Variants in MACROD2 observed in about 807,000 individuals in gnomAD.
The protein encoded by MACROD2 is mono-ADP ribosylhydrolase 2.
MACROD2 carries 36 observed loss-of-function variants against 70.4 expected under a neutral mutation model. The observed-to-expected ratio is 0.51, with a 90% CI of 0.39 to 0.68. MACROD2 has a LOEUF of 0.68. Ranked by LOEUF, MACROD2 falls within the 30% of genes least tolerant of loss-of-function variation. The pLI, the probability that MACROD2 is intolerant of heterozygous loss-of-function variation, is 0.00. For synonymous variants in MACROD2, 172 were observed against 178.8 expected, an observed-to-expected ratio of 0.96 and a Z score of 0.30; for missense variants, 496 against 538.4, an observed-to-expected ratio of 0.92 and a Z score of 0.78.
chr20:16,051,003 G>C lies in MACROD2; in HGVS notation c.*1127G>C, dbSNP rs1015391888. On this transcript the variant is annotated 3_prime_UTR_variant, in exon 18 of 18. Coordinates refer to ENST00000684519, the MANE Select transcript of MACROD2 (RefSeq NM_001351661.2). ...AGGGGAGGATACAGCTCTGAAGGGG[G>C]GCAGCAGTACTAAAAACCCAAGATG... 12 of 152,264 alleles carry C rather than the reference G, an allele frequency of 7.9e-5. No individual in the cohort carries two copies. The highest frequency in any genetic ancestry group is 6.5e-4 in the Admixed American group (10 of 15,284). The allele number at this position is 152,264 out of a possible 1,614,324, so 9.4% of individuals were successfully genotyped here. A position where few individuals can be genotyped will look rare whatever the true frequency, so the allele number is the denominator to read the frequency against.
chr20:15,230,072 TTA>T lies in MACROD2; in HGVS notation c.540+13_540+14del, dbSNP rs774110470. On this transcript the variant is annotated intron_variant, in intron 6 of 17. Coordinates refer to ENST00000684519, the MANE Select transcript of MACROD2 (RefSeq NM_001351661.2). ...AACATCCGATCAGTTGTAAGTAATT[TTA>T]TGTTTTTTATTTCTCACTCTTTTTC... 9.9e-6 allele frequency: 16 copies of T among 1,609,858 alleles called. No homozygotes were observed. The highest frequency in any genetic ancestry group is 1.6e-4 in the Middle Eastern group (1 of 6,068).
chr20:15,132,177 A>G (rs1284377240), intron 5 of MACROD2, among the ~76,000 whole-genome samples: 2 of 152,098 alleles, frequency 1.3e-5, no homozygotes, highest in African/African-American at 2.4e-5. Context: ...CTATAATTGT[A>G]TAAATCTTTA....
chr20:15,760,240 C>T (rs187332024), intron 8 of MACROD2, among the ~76,000 whole-genome samples: 1 of 152,316 alleles, frequency 6.6e-6, no homozygotes, highest in Non-Finnish European at 1.5e-5. Flanking sequence ...CTGGAGAAAC[C>T]AAAGGCTTGA....
intron 2 of MACROD2, among the ~76,000 whole-genome samples, chr20:14,029,606 T>A (rs1017936875): frequency 2.0e-5 from 3 of 152,096 alleles, no homozygotes; most frequent in African/African-American, 4.8e-5. Context: ...ATTTAAAAAA[T>A]TTTAATTACT....
intron 12 of MACROD2, among the ~76,000 whole-genome samples, chr20:15,965,716 T>A (rs193099473): frequency 4.5e-4 from 69 of 152,228 alleles, no homozygotes; most frequent in African/African-American, 1.6e-3. Context: ...TATTCAAAAT[T>A]TTTTTTTCAA....
At chr20:14,676,347 G>T (rs1018580694) in intron 4 of MACROD2, among the ~76,000 whole-genome samples, 4 of 152,134 alleles carry the variant, frequency 2.6e-5, no homozygotes, top group African/African-American at 9.6e-5. Context: ...GCAAAAGAAC[G>T]GAAATCATAA....
At chr20:15,147,447 C>A (rs1317787135) in intron 5 of MACROD2, among the ~76,000 whole-genome samples, 1 of 147,378 alleles carries the variant, frequency 6.8e-6, no homozygotes, top group South Asian at 2.1e-4. Flanking sequence ...TTTTTTTTTA[C>A]CCAGCCAGGG....
At chr20:14,240,370 CA>C (rs1378581947) in intron 3 of MACROD2, among the ~76,000 whole-genome samples, 8 of 152,012 alleles carry the variant, frequency 5.3e-5, no homozygotes, top group African/African-American at 1.7e-4. Flanking sequence ...AATCATTATG[CA>C]AAAAAGAAAA....
chr20:14,368,560 A>G (rs1439770157), intron 3 of MACROD2, among the ~76,000 whole-genome samples: 1 of 151,868 alleles, frequency 6.6e-6, no homozygotes, highest in Non-Finnish European at 1.5e-5. Context: ...AAACACACAC[A>G]CACAAAACTG....
At chr20:15,050,279 G>A (rs1180295935) in intron 5 of MACROD2, among the ~76,000 whole-genome samples, 1 of 152,076 alleles carries the variant, frequency 6.6e-6, no homozygotes, top group Non-Finnish European at 1.5e-5. Context: ...ATATGGTACT[G>A]ACTAAAAAGC....
chr20:15,269,284 G>T (rs557912886), intron 6 of MACROD2, among the ~76,000 whole-genome samples: 18 of 152,322 alleles, frequency 1.2e-4, no homozygotes, highest in African/African-American at 3.8e-4. Flanking sequence ...CCTGCCCAAC[G>T]TGGCTTGGAT....
chr20:16,001,042 C>T (rs1251636948), intron 15 of MACROD2, among the ~76,000 whole-genome samples: 1 of 152,216 alleles, frequency 6.6e-6, no homozygotes, highest in East Asian at 1.9e-4. Flanking sequence ...ACATCAGGTG[C>T]AAGAACTTCC....
chr20:14,105,793 C>G (rs2054361123), intron 3 of MACROD2, among the ~76,000 whole-genome samples: 1 of 152,174 alleles, frequency 6.6e-6, no homozygotes, highest in Non-Finnish European at 1.5e-5. Flanking sequence ...CTTTGCCTTG[C>G]ATCTTGGATA....
chr20:14,515,463 A>ATACACACACG (rs1555798335), intron 4 of MACROD2, among the ~76,000 whole-genome samples: 3 of 138,822 alleles, frequency 2.2e-5, no homozygotes, highest in African/African-American at 8.6e-5. Flanking sequence ...ATACACACAC[A>ATACACACACG]CGCACACACA....
intron 5 of MACROD2, among the ~76,000 whole-genome samples, chr20:15,049,822 C>T (rs1365156810): frequency 1.3e-5 from 2 of 152,056 alleles, no homozygotes; most frequent in Non-Finnish European, 2.9e-5. Context: ...GTGGCAGGCA[C>T]CTTTAACCCC....
chr20:14,969,540 T>A (rs1267928915), intron 5 of MACROD2, among the ~76,000 whole-genome samples: 1 of 152,000 alleles, frequency 6.6e-6, no homozygotes, highest in Non-Finnish European at 1.5e-5. Flanking sequence ...TTTCATGAAA[T>A]CTAGTAAAAT....
chr20:14,808,594 T>G (rs2072669108), intron 5 of MACROD2, among the ~76,000 whole-genome samples: 1 of 152,046 alleles, frequency 6.6e-6, no homozygotes, highest in Non-Finnish European at 1.5e-5. Flanking sequence ...ATATTAATCT[T>G]AAATGTAAAC....
At chr20:14,015,270 A>T (rs1431546563) in intron 2 of MACROD2, among the ~76,000 whole-genome samples, 2 of 152,052 alleles carry the variant, frequency 1.3e-5, no homozygotes, top group Admixed American at 6.6e-5. Flanking sequence ...CATTTTCACA[A>T]TTTTTTCATA....
Position 13,995,934 on chromosome 20 carries a change from GCCTC to G in MACROD2, c.46+131_46+134del. On this transcript the variant is annotated intron_variant, in intron 1 of 17. Transcript: ENST00000684519. This position sits in a 1 kb window ranked among gnomAD's most constrained non-coding sequence, Gnocchi z 4.3. ...GCCTCGCGCCCTCCCGGCCGGTGCC[GCCTC>G]CCTCCGGTGTCCGTGTGTACACACG... 1 of 1,120,980 alleles carries G rather than the reference GCCTC, an allele frequency of 8.9e-7. No individual in the cohort carries two copies. The highest frequency in any genetic ancestry group is 1.4e-5 in the South Asian group (1 of 70,532). 69.4% of individuals were successfully genotyped at this position (1,120,980 alleles called of 1,614,324 possible).
Sources: allele counts gnomAD v4.1 joint callset (sites outside exome capture counted in the v4.1 genomes callset), GRCh38; gene constraint gnomAD v4.1.1; non-coding constraint Gnocchi (gnomAD v3.1); transcripts MANE v1.5; gene names NCBI Gene and HGNC (gene_info 2026-07-23, HGNC 2026-07-21).